PTPRT: variants seen among roughly 807,000 people sequenced by gnomAD.
PTPRT encodes the protein receptor-type tyrosine-protein phosphatase T.
In PTPRT, 56 loss-of-function variants were observed where a neutral mutation model predicts 176.8. That is an observed-to-expected ratio of 0.32 (90% CI 0.26 to 0.40). The LOEUF is 0.40. PTPRT is among the 10% of genes least tolerant of loss of function. The pLI is 1.00. For missense variants in PTPRT, 1,540 were observed against 1,908.2 expected (o/e 0.81, Z 3.60); for synonymous variants, 783 against 739.0 (o/e 1.06, Z -0.96).
chr20:42,999,483 G>A (rs928639959), intron 1 of PTPRT, among the ~76,000 whole-genome samples: 3 of 152,066 alleles, frequency 2.0e-5, no homozygotes, highest in Non-Finnish European at 4.4e-5. Context: ...GGGAATGGTG[G>A]TCAGGCTCAT....
chr20:42,455,118 A>C (rs185127655), intron 8 of PTPRT, among the ~76,000 whole-genome samples: 23 of 152,360 alleles, frequency 1.5e-4, no homozygotes, highest in Admixed American at 1.4e-3. Context: ...TTGTGGACTC[A>C]TGATATCATA....
chr20:42,530,687 G>A (rs578179608), intron 7 of PTPRT, among the ~76,000 whole-genome samples: 5 of 152,220 alleles, frequency 3.3e-5, no homozygotes, highest in East Asian at 1.9e-4. Flanking sequence ...TTTCTGATCC[G>A]GTGGTTTGTC....
chr20:43,146,324 G>T (rs551824168), intron 1 of PTPRT, among the ~76,000 whole-genome samples: 1 of 152,268 alleles, frequency 6.6e-6, no homozygotes, highest in South Asian at 2.1e-4. Flanking sequence ...CTGAAATTTA[G>T]CAAGGCAGGA....
At chr20:43,114,495 T>C (rs149933078) in intron 1 of PTPRT, among the ~76,000 whole-genome samples, 2 of 152,232 alleles carry the variant, frequency 1.3e-5, no homozygotes, top group Non-Finnish European at 2.9e-5. Flanking sequence ...CCTGGAATAA[T>C]GCAGCACCTA....
chr20:42,665,598 T>TA (rs1172339673), intron 7 of PTPRT, among the ~76,000 whole-genome samples: 6 of 152,176 alleles, frequency 3.9e-5, no homozygotes, highest in African/African-American at 1.4e-4. Context: ...ACTGGGTATA[T>TA]ACCCAAAGGA....
At chr20:42,683,591 A>G (rs1182655573) in intron 6 of PTPRT, among the ~76,000 whole-genome samples, 1 of 152,074 alleles carries the variant, frequency 6.6e-6, no homozygotes, top group African/African-American at 2.4e-5. Context: ...AATTACTTTT[A>G]ACTAAACCAT....
chr20:42,608,182 G>A (rs2073914088), intron 7 of PTPRT, among the ~76,000 whole-genome samples: 1 of 152,072 alleles, frequency 6.6e-6, no homozygotes, highest in African/African-American at 2.4e-5. Flanking sequence ...CATGTCTCCG[G>A]AATAAGTACT....
chr20:42,338,762 A>G (rs1267108496), intron 11 of PTPRT, among the ~76,000 whole-genome samples: 3 of 152,168 alleles, frequency 2.0e-5, no homozygotes, highest in Non-Finnish European at 4.4e-5. Context: ...TCCTATGTGC[A>G]AGGTAGTTCT....
At chr20:42,914,600 A>G (rs942149975) in intron 1 of PTPRT, among the ~76,000 whole-genome samples, 1 of 152,238 alleles carries the variant, frequency 6.6e-6, no homozygotes, top group African/African-American at 2.4e-5. Context: ...TACAGAATGC[A>G]TGGTTCTATT....
intron 15 of PTPRT, among the ~76,000 whole-genome samples, chr20:42,207,007 G>A (rs1175421916): frequency 1.3e-5 from 2 of 152,180 alleles, no homozygotes; most frequent in African/African-American, 4.8e-5. Flanking sequence ...CAGCCTAACT[G>A]GGAGGCACCC....
At chr20:42,609,051 T>C (rs1422785339) in intron 7 of PTPRT, among the ~76,000 whole-genome samples, 1 of 152,072 alleles carries the variant, frequency 6.6e-6, no homozygotes, top group Non-Finnish European at 1.5e-5. Context: ...ATGAGGAAGA[T>C]AATACAGAAC....
chr20:42,582,299 T>A (rs2073387962), intron 7 of PTPRT, among the ~76,000 whole-genome samples: 1 of 152,104 alleles, frequency 6.6e-6, no homozygotes, highest in South Asian at 2.1e-4. Context: ...TGGAGGCCCC[T>A]GGGGAGAAGA....
intron 17 of PTPRT, among the ~76,000 whole-genome samples, chr20:42,153,961 C>T (rs185988469): frequency 7.2e-5 from 11 of 152,322 alleles, no homozygotes; most frequent in East Asian, 1.9e-4. Flanking sequence ...GAAACCACAG[C>T]GGTCACTGAT....
intron 2 of PTPRT, among the ~76,000 whole-genome samples, chr20:42,871,227 C>T (rs1473782025): frequency 1.3e-5 from 2 of 151,536 alleles, no homozygotes; most frequent in Non-Finnish European, 2.9e-5. Flanking sequence ...GCTGGGATTA[C>T]AGGCATGAAC....
At chr20:42,301,344 C>A (rs950063296) in intron 12 of PTPRT, among the ~76,000 whole-genome samples, 2 of 152,102 alleles carry the variant, frequency 1.3e-5, no homozygotes, top group African/African-American at 4.8e-5. Flanking sequence ...GAGGGACATT[C>A]TAAAAAATAA....
chr20:42,368,982 C>A (rs1228614414), intron 9 of PTPRT, among the ~76,000 whole-genome samples: 1 of 150,818 alleles, frequency 6.6e-6, no homozygotes, highest in African/African-American at 2.4e-5. Flanking sequence ...TTTTTTTCTT[C>A]CCTTTCCTTT....
At chr20:42,764,358 G>C (rs2076955164) in intron 5 of PTPRT, among the ~76,000 whole-genome samples, 1 of 152,030 alleles carries the variant, frequency 6.6e-6, no homozygotes, top group African/African-American at 2.4e-5. Flanking sequence ...GGGTGGGGAG[G>C]CAATTCAAAA....
At chr20:42,667,425 G>A (rs192555436) in intron 7 of PTPRT, among the ~76,000 whole-genome samples, 2 of 152,304 alleles carry the variant, frequency 1.3e-5, no homozygotes, top group East Asian at 3.9e-4. Context: ...CAAATTGGCA[G>A]CCACTGTTTT....
chr20:42,950,827 T>A (rs1482472068), intron 1 of PTPRT, among the ~76,000 whole-genome samples: 1 of 152,194 alleles, frequency 6.6e-6, no homozygotes, highest in African/African-American at 2.4e-5. Context: ...TGTATTTGAA[T>A]TGCTCATGCT....
Sources: gnomAD v4.1 joint callset for allele counts (sites outside exome capture counted in the v4.1 genomes callset) on GRCh38, gnomAD v4.1.1 for gene constraint, MANE v1.5 for transcripts, NCBI Gene and HGNC (gene_info 2026-07-23, HGNC 2026-07-21) for gene names.